The following RAI14 variants were observed in gnomAD, a reference collection of about 807,000 sequenced individuals.
The protein encoded by RAI14 is ankycorbin.
Under a neutral mutation model 115.4 loss-of-function variants are expected in RAI14, and 45 were observed. That is an observed-to-expected ratio of 0.39 (90% CI 0.31 to 0.50). The LOEUF is 0.50. RAI14 is among the 20% of genes least tolerant of loss of function. RAI14 has a pLI of 0.85. For missense variants in RAI14, 939 were observed against 1,131.2 expected, an observed-to-expected ratio of 0.83 and a Z score of 2.44; for synonymous variants, 371 against 415.4, an observed-to-expected ratio of 0.89 and a Z score of 1.30.
At chr5:34,751,344 T>C (rs1323915624) in intron 2 of RAI14, among the ~76,000 whole-genome samples, 1 of 151,990 alleles carries the variant, frequency 6.6e-6, no homozygotes, top group Non-Finnish European at 1.5e-5. Flanking sequence ...GGTTTCACCA[T>C]GTTGGTCAGG....
rs111430809 is a variant in RAI14 at position 34,759,664 on chromosome 5, T to C, written c.167+2066T>C. 4.0e-3 allele frequency among the ~76,000 whole-genome samples: 614 copies of C among 152,294 alleles called. 2 individuals are homozygous for C. Among genetic ancestry groups the C allele is most frequent in the African/African-American group, 0.014 (584 of 41,554 alleles). On this transcript the variant is annotated intron_variant, in intron 3 of 17. Coordinates refer to ENST00000265109, the MANE Select transcript of RAI14 (RefSeq NM_015577.3). ...GGCTCCCACAGATTCTACACTACAGTGAGTTGTATAATTATTTCATTCTAT... is the reference window on the plus strand; with the variant it reads ...GGCTCCCACAGATTCTACACTACAGCGAGTTGTATAATTATTTCATTCTAT...
At chr5:34,814,699 C>A in intron 12 of RAI14, 30 bp downstream of exon 12, 1 of 1,517,316 alleles carries the variant, frequency 6.6e-7, no homozygotes, top group Non-Finnish European at 9.2e-7. Flanking sequence ...AGTTTTGTTA[C>A]TGTATTTTAA....
chr5:34,785,593 G>A (rs1034478183), intron 3 of RAI14, among the ~76,000 whole-genome samples: 5 of 152,264 alleles, frequency 3.3e-5, no homozygotes, highest in South Asian at 4.1e-4. Flanking sequence ...AATTGGTCAC[G>A]TGGACGGCCA....
At chr5:34,752,725 G>GTATATATA (rs1747226661) in intron 2 of RAI14, among the ~76,000 whole-genome samples, 8 of 80,334 alleles carry the variant, frequency 1.0e-4, no homozygotes, top group African/African-American at 2.7e-4. Context: ...GTGTGTGTGT[G>GTATATATA]TGTGTGTGTG....
intron 2 of RAI14, among the ~76,000 whole-genome samples, chr5:34,751,721 G>A (rs972215253): frequency 2.0e-5 from 3 of 152,124 alleles, no homozygotes; most frequent in African/African-American, 7.2e-5. Flanking sequence ...TGTTATGAGC[G>A]ATGCTTTCGT....
chr5:34,743,434 A>G (rs914683558), intron 2 of RAI14, among the ~76,000 whole-genome samples: 6 of 152,282 alleles, frequency 3.9e-5, no homozygotes, highest in African/African-American at 1.2e-4. Flanking sequence ...CAGCTGTCAG[A>G]TTTAGGGTCT....
chr5:34,824,072 G>A lies in RAI14; in HGVS notation c.2230G>A (p.Ala744Thr). ...LQVITTLRTA[A>T]KEMEEKISNL... ...AGTGATAACCACGCTGCGGACTGCA[G>A]CAAAAGAGATGGAAGAAAAAATAAG... is the stretch of plus-strand genomic sequence containing the variant. Residue 744 changes from alanine (A) to threonine (T), a missense_variant, in exon 15 of 18, where the codon GCA becomes ACA. Coordinates refer to ENST00000265109, the MANE Select transcript of RAI14 (RefSeq NM_015577.3). The A allele has an allele frequency of 6.2e-7, 1 of 1,614,184 alleles. No homozygotes were observed. The highest frequency in any genetic ancestry group is 1.6e-4 in the Middle Eastern group (1 of 6,062).
At chr5:34,682,385 T>G (rs994265846) in intron 1 of RAI14, among the ~76,000 whole-genome samples, 1 of 134,314 alleles carries the variant, frequency 7.4e-6, no homozygotes. Context: ...ATTGTAAGGG[T>G]TTTTTTTTTT....
At chr5:34,819,046 T>A (rs973989773) in intron 13 of RAI14, among the ~76,000 whole-genome samples, 195 bp downstream of exon 13, 1 of 152,010 alleles carries the variant, frequency 6.6e-6, no homozygotes, top group African/African-American at 2.4e-5. Context: ...TTTTAAAGAG[T>A]CTCTGAATTT....
intron 3 of RAI14, among the ~76,000 whole-genome samples, chr5:34,782,410 A>C (rs1751774964): frequency 6.6e-6 from 1 of 152,204 alleles, no homozygotes. Context: ...CATCATTGAA[A>C]TCACAGAGCT....
chr5:34,821,699 T>C (rs1756847447), intron 13 of RAI14, 33 bp from the exon 14 acceptor site: 2 of 1,238,778 alleles, frequency 1.6e-6, no homozygotes, highest in Non-Finnish European at 2.4e-6. Flanking sequence ...AGTTTAATTG[T>C]TTTATATTTT....
intron 2 of RAI14, among the ~76,000 whole-genome samples, chr5:34,739,535 T>C (rs1007261983): frequency 6.6e-6 from 1 of 152,120 alleles, no homozygotes; most frequent in Non-Finnish European, 1.5e-5. Context: ...ATAATAACAT[T>C]CAAATAGTTG....
intron 1 of RAI14, among the ~76,000 whole-genome samples, chr5:34,660,448 GA>G (rs1321317493): frequency 1.3e-5 from 2 of 152,074 alleles, no homozygotes; most frequent in Non-Finnish European, 2.9e-5. Context: ...AAGAGAGAAA[GA>G]AAAAGAAAAA....
intron 3 of RAI14, among the ~76,000 whole-genome samples, chr5:34,778,299 C>T (rs891854096): frequency 3.9e-5 from 6 of 152,136 alleles, no homozygotes; most frequent in African/African-American, 1.4e-4. Context: ...TGGAGTGGTG[C>T]CTGAGAGTCT....
chr5:34,734,308 C>T (rs1385815119), intron 2 of RAI14, among the ~76,000 whole-genome samples: 2 of 152,200 alleles, frequency 1.3e-5, no homozygotes, highest in African/African-American at 4.8e-5. Context: ...TCTGATTGCC[C>T]GCTCCCCAGT....
In RAI14 at chr5:34,687,381, C is replaced by G. The variant is rs575555878; in HGVS notation, c.36+426C>G. ...CATCTTTGGCTTTAGGAAACGTGTTCAACTCTCTGTTAAGGGTTTTGTGGT... is the reference window on the plus strand; with the variant it reads ...CATCTTTGGCTTTAGGAAACGTGTTGAACTCTCTGTTAAGGGTTTTGTGGT... On this transcript the variant is annotated intron_variant, in intron 2 of 17. Coordinates refer to ENST00000265109, the MANE Select transcript of RAI14 (RefSeq NM_015577.3). Among the ~76,000 whole-genome samples, 10 of 152,170 alleles carry G rather than the reference C, an allele frequency of 6.6e-5. No homozygotes were observed. The East Asian group carries it at 1.9e-3, about 29-fold the overall frequency.
rs560648972 is a variant in RAI14, at chr5:34,743,967, C to T, written c.37-13501C>T. 5.3e-5 allele frequency among the ~76,000 whole-genome samples: 8 copies of T among 152,306 alleles called. No homozygotes were observed. The East Asian group carries it at 7.7e-4, about 15-fold the overall frequency. On this transcript the variant is annotated intron_variant, in intron 2 of 17. Coordinates refer to ENST00000265109, the MANE Select transcript of RAI14 (RefSeq NM_015577.3). Reference sequence around the variant, plus strand: ...CAGGACAGGAGATTACTTTGGTCCTCGACTCTGACTATTTAGACACTTAAA... The same window carrying T: ...CAGGACAGGAGATTACTTTGGTCCTTGACTCTGACTATTTAGACACTTAAA...
At chr5:34,788,636 CTTGAG>C (rs1752587323) in intron 3 of RAI14, among the ~76,000 whole-genome samples, 1 of 152,142 alleles carries the variant, frequency 6.6e-6, no homozygotes, top group Admixed American at 6.5e-5. Flanking sequence ...TGATACCATA[CTTGAG>C]TTAATTCCAA....
chr5:34,760,399 T>C (rs533572618), intron 3 of RAI14, among the ~76,000 whole-genome samples: 1 of 152,310 alleles, frequency 6.6e-6, no homozygotes, highest in African/African-American at 2.4e-5. Context: ...TCACTTGGTC[T>C]GGGGAGAGGC....
Sources: allele counts gnomAD v4.1 joint callset (sites outside exome capture counted in the v4.1 genomes callset), GRCh38; gene constraint gnomAD v4.1.1; transcripts MANE v1.5; gene names NCBI Gene and HGNC (gene_info 2026-07-23, HGNC 2026-07-21).